BZW2: variants seen among roughly 807,000 people sequenced by gnomAD.
BZW2 encodes eIF5-mimic protein 1.
A neutral mutation model predicts 53.2 loss-of-function variants in BZW2; 23 were observed. That is an observed-to-expected ratio of 0.43 (90% CI 0.31 to 0.61). BZW2 has a LOEUF of 0.61. Among genes scored for constraint, BZW2 ranks in the 20% least tolerant of loss-of-function variants. BZW2 has a pLI of 0.09. For missense variants in BZW2, 409 were observed against 503.1 expected (o/e 0.81, Z 1.79); for synonymous variants, 227 against 186.4 (o/e 1.22, Z -1.77).
At chr7:16,695,331 T>A (rs1377359450) in intron 8 of BZW2, among the ~76,000 whole-genome samples, 1 of 152,244 alleles carries the variant, frequency 6.6e-6, no homozygotes, top group African/African-American at 2.4e-5. Flanking sequence ...ATGGTAGTTT[T>A]AAAATTTTGT....
At chr7:16,658,992 AG>A (rs1782186610) in intron 1 of BZW2, among the ~76,000 whole-genome samples, 6 of 151,098 alleles carry the variant, frequency 4.0e-5, no homozygotes, top group Admixed American at 4.0e-4. Flanking sequence ...AGCATTAAAC[AG>A]GATCAGGTGA....
Position 16,706,064 on chromosome 7 carries a change from C to G in BZW2, c.1236C>G (p.Ser412=), listed in dbSNP as rs547567809. ...CACTTCTTTCTTCTCTCCTAGAATC[C>G]GAATCGGAAGGTGAGGAAAATTAAA... ...VEWLQNAEEE[S]ESEGEEN is the part of the protein sequence containing the mutation. Residue 412 remains serine (S), a synonymous_variant, in exon 12 of 12, where the codon TCC becomes TCG. Coordinates refer to ENST00000258761, the MANE Select transcript of BZW2 (RefSeq NM_014038.3). 6.2e-7 allele frequency: 1 copy of G among 1,613,204 alleles called. No individual in the cohort carries two copies. Among genetic ancestry groups the G allele is most frequent in the Non-Finnish European group, 8.5e-7 (1 of 1,179,614 alleles).
chr7:16,662,307 A>T (rs1349446039), intron 1 of BZW2: 2 of 152,270 alleles, frequency 1.3e-5, no homozygotes, highest in Non-Finnish European at 2.9e-5. Context: ...AAGTCTTTGC[A>T]TACATTTTTA....
At position 16,681,522 on chromosome 7, in the gene BZW2, A is replaced by G. The variant is rs1189938767; in HGVS notation, c.339+118A>G. On this transcript the variant is annotated intron_variant, in intron 4 of 11. Coordinates refer to ENST00000258761, the MANE Select transcript of BZW2 (RefSeq NM_014038.3). ...TTAGAAAGCCTTTAAACTTATGAAA[A>G]TAATGGGCATTAAAACTACAAAAAT... is the stretch of plus-strand genomic sequence containing the variant. The G allele has an allele frequency of 4.8e-6, 4 of 837,268 alleles. No homozygotes were observed. The African/African-American group carries it at 6.9e-5, about 14-fold the overall frequency. 51.9% of individuals were successfully genotyped at this position (837,268 alleles called of 1,614,324 possible).
Position 16,698,153 on chromosome 7 carries a change from G to A in BZW2, c.1075G>A (p.Ala359Thr). Reference protein sequence around the residue: ...YCYDNIHFMKAFQKIVVLFYK... With the variant: ...YCYDNIHFMKTFQKIVVLFYK... Reference sequence around the variant, plus strand: ...CTACGACAACATCCATTTCATGAAAGCCTTTCAGAAGATTGTGGTTCTCTT... The same window carrying A: ...CTACGACAACATCCATTTCATGAAAACCTTTCAGAAGATTGTGGTTCTCTT... Residue 359 changes from alanine (A) to threonine (T), a missense_variant, in exon 10 of 12, where the codon GCC (alanine) becomes ACC (threonine). Physicochemically the swap from Ala to Thr is moderately conservative, Grantham distance 58 (BLOSUM62 0). Transcript: ENST00000258761. 6.2e-7 allele frequency: 1 copy of A among 1,614,182 alleles called. No individual in the cohort carries two copies. Among genetic ancestry groups the A allele is most frequent in the Non-Finnish European group, 8.5e-7 (1 of 1,180,036 alleles).
chr7:16,665,904 T>C (rs1215188814), intron 2 of BZW2, among the ~76,000 whole-genome samples: 1 of 152,164 alleles, frequency 6.6e-6, no homozygotes, highest in African/African-American at 2.4e-5. Flanking sequence ...AGTTTTTTAA[T>C]TTTTCAGAAA....
intron 10 of BZW2, among the ~76,000 whole-genome samples, chr7:16,699,521 G>A (rs1782856754): frequency 6.6e-6 from 1 of 152,090 alleles, no homozygotes; most frequent in South Asian, 2.1e-4. Flanking sequence ...TTTCCACTAC[G>A]GAAAACCAAA....
chr7:16,656,623 T>C (rs1035864984), intron 1 of BZW2, among the ~76,000 whole-genome samples: 6 of 151,886 alleles, frequency 4.0e-5, no homozygotes, highest in Non-Finnish European at 1.5e-5. Context: ...CATTGATTAC[T>C]CTTGCATGAA....
chr7:16,691,875 GTTCT>G (rs2128366443), intron 7 of BZW2, among the ~76,000 whole-genome samples: 1 of 128,002 alleles, frequency 7.8e-6, no homozygotes, highest in African/African-American at 3.7e-5. Context: ...TTTTTACTAG[GTTCT>G]GTGTGTGTGT....
chr7:16,666,891 A>C (rs1170582242), intron 2 of BZW2, among the ~76,000 whole-genome samples: 4 of 152,136 alleles, frequency 2.6e-5, no homozygotes, highest in African/African-American at 9.7e-5. Flanking sequence ...ATGGGATTAC[A>C]GGCATGAGCC....
At chr7:16,651,148 T>C (rs906170997) in intron 1 of BZW2, among the ~76,000 whole-genome samples, 1 of 152,220 alleles carries the variant, frequency 6.6e-6, no homozygotes, top group African/African-American at 2.4e-5. Flanking sequence ...AATATTTTAG[T>C]AGGAAAACAA....
intron 1 of BZW2, among the ~76,000 whole-genome samples, chr7:16,647,950 T>G (rs1375689553): frequency 6.6e-6 from 1 of 152,228 alleles, no homozygotes; most frequent in Non-Finnish European, 1.5e-5. Flanking sequence ...GGATAGCAGC[T>G]TACTATCTAT....
rs745428931 is a variant in BZW2 at position 16,666,419 on chromosome 7, T to TTATTTATTTACG, written c.58+920_58+921insTTTATTTACGTA. Among the ~76,000 whole-genome samples the TTATTTATTTACG allele has an allele frequency of 5.8e-3, 878 of 151,014 alleles. 14 individuals are homozygous for TTATTTATTTACG. The highest frequency in any genetic ancestry group is 0.02 in the African/African-American group (838 of 41,216). On this transcript the variant is annotated intron_variant, in intron 2 of 11. Transcript: ENST00000258761. ...TTTATTTATTTATTTATTTATTTAT[T>TTATTTATTTACG]TAGAGACGGAGTCTTGCTCCGTCGT... is the stretch of plus-strand genomic sequence containing the variant.
intron 3 of BZW2, among the ~76,000 whole-genome samples, chr7:16,680,922 G>A (rs1782925020): frequency 6.6e-6 from 1 of 152,102 alleles, no homozygotes; most frequent in African/African-American, 2.4e-5. Flanking sequence ...TGACCAACAT[G>A]GTGAAACCCC....
chr7:16,651,011 T>G (rs1199676342), intron 1 of BZW2, among the ~76,000 whole-genome samples: 1 of 152,238 alleles, frequency 6.6e-6, no homozygotes, highest in Non-Finnish European at 1.5e-5. Context: ...TTTCCATTGA[T>G]GTTTTTTAAG....
chr7:16,652,162 G>T (rs1326641987), intron 1 of BZW2, among the ~76,000 whole-genome samples: 1 of 152,142 alleles, frequency 6.6e-6, no homozygotes, highest in African/African-American at 2.4e-5. Flanking sequence ...ACATCTCAGT[G>T]CCTTATCTGA....
At chr7:16,690,020 T>G (rs1783252727) in intron 7 of BZW2, 114 bp downstream of exon 7, 1 of 618,856 alleles carries the variant, frequency 1.6e-6, no homozygotes, top group Admixed American at 3.9e-5. Flanking sequence ...CTTGGAGCAC[T>G]GTTCCTTTTA....
At chr7:16,661,160 G>A (rs1267515649) in intron 1 of BZW2, 1 of 152,112 alleles carries the variant, frequency 6.6e-6, no homozygotes, top group South Asian at 2.1e-4. Flanking sequence ...GTTCAAAGAT[G>A]AGTCATACCA....
chr7:16,653,143 A>C (rs1782029163), intron 1 of BZW2, among the ~76,000 whole-genome samples: 1 of 152,132 alleles, frequency 6.6e-6, no homozygotes, highest in Non-Finnish European at 1.5e-5. Context: ...TGAGAGAACT[A>C]GTAAGTGAGC....
Sources: allele counts gnomAD v4.1 joint callset (sites outside exome capture counted in the v4.1 genomes callset), GRCh38; gene constraint gnomAD v4.1.1; transcripts MANE v1.5; gene names NCBI Gene and HGNC (gene_info 2026-07-23, HGNC 2026-07-21).